Variants in RXFP1 observed in about 807,000 individuals in gnomAD.
RXFP1 encodes the protein relaxin receptor 1.
RXFP1 carries 73 observed loss-of-function variants against 89.8 expected under a neutral mutation model. The observed-to-expected ratio is 0.81, with a 90% CI of 0.67 to 0.99. The LOEUF (loss-of-function observed/expected upper bound fraction) is 0.99, where lower values mean the gene tolerates loss of function less well. RXFP1 is among the 50% of genes least tolerant of loss of function. The pLI is 0.00. For synonymous variants in RXFP1, 277 were observed against 305.5 expected (o/e 0.91, Z 0.97); for missense variants, 793 against 895.5 (o/e 0.89, Z 1.46).
chr4:158,630,301 C>T (rs1219720662), intron 11 of RXFP1, among the ~76,000 whole-genome samples: 2 of 152,176 alleles, frequency 1.3e-5, no homozygotes, highest in African/African-American at 4.8e-5. Flanking sequence ...ATAGACCCAA[C>T]CATCTGTTGT....
intron 2 of RXFP1, among the ~76,000 whole-genome samples, chr4:158,578,362 C>T (rs752972866): frequency 1.3e-5 from 2 of 152,114 alleles, no homozygotes; most frequent in Non-Finnish European, 2.9e-5. Flanking sequence ...AATGACAAAC[C>T]CAAAAGGAGG....
chr4:158,553,577 G>T (rs1364942416), intron 1 of RXFP1, among the ~76,000 whole-genome samples: 2 of 152,124 alleles, frequency 1.3e-5, no homozygotes, highest in African/African-American at 2.4e-5. Flanking sequence ...GATTTGTGCA[G>T]GTACGGGGTA....
Position 158,645,422 on chromosome 4 carries a change from C to T in RXFP1, c.1345+284C>T, listed in dbSNP as rs184717895. On this transcript the variant is annotated intron_variant, in intron 15 of 17. Coordinates refer to ENST00000307765, the MANE Select transcript of RXFP1 (RefSeq NM_021634.4). ...CTCCGAAGGCACAATATTTTGTTGA[C>T]GCATCTAAAATCTTTTACTACAAAT... Among the ~76,000 whole-genome samples, 89 of 152,186 alleles carry T rather than the reference C, an allele frequency of 5.8e-4. 1 individual carries two copies. Among genetic ancestry groups the T allele is most frequent in the Admixed American group, 2.2e-3 (34 of 15,282 alleles).
chr4:158,625,043 A>G (rs1339709615), intron 9 of RXFP1, among the ~76,000 whole-genome samples: 2 of 149,810 alleles, frequency 1.3e-5, no homozygotes, highest in African/African-American at 5.0e-5. Context: ...AGGAACATCA[A>G]CTCACCTCAT....
intron 16 of RXFP1, among the ~76,000 whole-genome samples, chr4:158,647,802 G>A (rs1029079007): frequency 3.3e-5 from 5 of 152,106 alleles, no homozygotes; most frequent in African/African-American, 1.2e-4. Context: ...CCAATCATAA[G>A]GTCAGGAGTT....
rs949585870 is a variant in RXFP1, at chr4:158,606,251, C to T, written c.464+1112C>T. 8.5e-5 allele frequency among the ~76,000 whole-genome samples: 13 copies of T among 152,140 alleles called. No individual in the cohort carries two copies. The South Asian group carries it at 1.0e-3, about 12-fold the overall frequency. On this transcript the variant is annotated intron_variant, in intron 5 of 17. Transcript: ENST00000307765. ...GGAGCTAGACTACAAATCTAAATAT[C>T]AAAATTCAGGTTTATATAATGCAGT...
At chr4:158,635,495 G>A (rs969211603) in intron 12 of RXFP1, among the ~76,000 whole-genome samples, 3 of 151,916 alleles carry the variant, frequency 2.0e-5, no homozygotes, top group African/African-American at 7.3e-5. Flanking sequence ...TTTACAATTT[G>A]GATGCCTGCC....
Position 158,617,149 on chromosome 4 carries a change from C to T in RXFP1, c.699C>T (p.Val233=). The T allele has an allele frequency of 7.5e-6, 12 of 1,608,920 alleles. No homozygotes were observed. Among genetic ancestry groups the T allele is most frequent in the Non-Finnish European group, 1.0e-5 (12 of 1,177,198 alleles). ...SLILLVLMNN[V]LTRLPDKPLC... is the part of the protein sequence containing the mutation. ...TTTTCAGAGTCCTGATGAATAACGT[C>T]CTCACCCGTTTACCTGATAAACCTC... is the stretch of plus-strand genomic sequence containing the variant. Residue 233 remains valine, a synonymous_variant, in exon 9 of 18, where the codon GTC becomes GTT. Transcript: ENST00000307765.
intron 1 of RXFP1, among the ~76,000 whole-genome samples, chr4:158,570,320 T>C (rs1754768457): frequency 1.3e-5 from 2 of 152,140 alleles, no homozygotes; most frequent in Non-Finnish European, 2.9e-5. Context: ...GACTTCTGGA[T>C]TGAAGATGGA....
At chr4:158,605,813 CACTA>C (rs1327027462) in intron 5 of RXFP1, among the ~76,000 whole-genome samples, 2 of 152,258 alleles carry the variant, frequency 1.3e-5, no homozygotes, top group African/African-American at 2.4e-5. Flanking sequence ...ACCTAAATCA[CACTA>C]ACTAAGAAAT....
intron 2 of RXFP1, among the ~76,000 whole-genome samples, chr4:158,573,344 C>A (rs1243017023): frequency 6.6e-6 from 1 of 152,136 alleles, no homozygotes; most frequent in Non-Finnish European, 1.5e-5. Context: ...GGTATCACAG[C>A]CAATATTCCA....
chr4:158,548,720 A>T (rs990502851), intron 1 of RXFP1, among the ~76,000 whole-genome samples: 10 of 152,142 alleles, frequency 6.6e-5, no homozygotes, highest in African/African-American at 2.4e-4. Context: ...AGCTTAGTTT[A>T]GCTGGATATG....
chr4:158,612,479 A>C (rs981835328), intron 8 of RXFP1, 117 bp downstream of exon 8: 12 of 671,932 alleles, frequency 1.8e-5, no homozygotes, highest in Non-Finnish European at 3.0e-5. Flanking sequence ...AGGCCTTTTC[A>C]ATGAAAAACC....
intron 1 of RXFP1, among the ~76,000 whole-genome samples, chr4:158,531,784 AT>A (rs1280912085): frequency 6.6e-6 from 1 of 152,204 alleles, no homozygotes; most frequent in Non-Finnish European, 1.5e-5. Context: ...TTATATTTCT[AT>A]GACTAAAATT....
chr4:158,546,158 T>A (rs1334410002), intron 1 of RXFP1, among the ~76,000 whole-genome samples: 1 of 152,094 alleles, frequency 6.6e-6, no homozygotes, highest in Non-Finnish European at 1.5e-5. Context: ...CTTGAAGAGG[T>A]CCTTCACATC....
chr4:158,612,400 C>A, intron 8 of RXFP1, 38 bp downstream of exon 8: 1 of 1,387,598 alleles, frequency 7.2e-7, no homozygotes, highest in Non-Finnish European at 1.0e-6. Context: ...CAATCAAAGG[C>A]AAAGACATGA....
chr4:158,590,010 C>G (rs1759101561), intron 2 of RXFP1, among the ~76,000 whole-genome samples: 1 of 152,056 alleles, frequency 6.6e-6, no homozygotes, highest in Non-Finnish European at 1.5e-5. Context: ...TATGATCACA[C>G]CACTGCACTC....
intron 3 of RXFP1, 32 bp downstream of exon 3, chr4:158,593,531 A>G: frequency 7.9e-7 from 1 of 1,269,938 alleles, no homozygotes; most frequent in Non-Finnish European, 1.1e-6. Flanking sequence ...TTTCTTTTCC[A>G]TGAGTTCATA....
chr4:158,609,950 A>G (rs914832375), intron 6 of RXFP1, among the ~76,000 whole-genome samples: 2 of 152,194 alleles, frequency 1.3e-5, no homozygotes, highest in Non-Finnish European at 2.9e-5. Context: ...TAGCTTTTCT[A>G]TAGTGCTGGA....
Sources: allele counts gnomAD v4.1 joint callset (sites outside exome capture counted in the v4.1 genomes callset), GRCh38; gene constraint gnomAD v4.1.1; transcripts MANE v1.5; gene names NCBI Gene and HGNC (gene_info 2026-07-23, HGNC 2026-07-21).